Variants in CSNK1G2 observed in about 807,000 individuals in gnomAD.
The protein encoded by CSNK1G2 is casein kinase 1 gamma 2, also known as casein kinase I isoform gamma-2.
In CSNK1G2, 11 loss-of-function variants were observed where a neutral mutation model predicts 48.0. The ratio of observed to expected loss-of-function variants is 0.23; its 90% confidence interval spans 0.14 to 0.38. The LOEUF (loss-of-function observed/expected upper bound fraction) is 0.38, where lower values mean the gene tolerates loss of function less well. CSNK1G2 is among the 10% of genes least tolerant of loss of function. CSNK1G2 has a pLI of 1.00. For synonymous variants in CSNK1G2, 337 were observed against 254.1 expected, an observed-to-expected ratio of 1.33 and a Z score of -3.10; for missense variants, 446 against 595.5, an observed-to-expected ratio of 0.75 and a Z score of 2.61.
At position 1,978,177 on chromosome 19, in the gene CSNK1G2, G is replaced by A; in HGVS notation, c.188-128G>A. 1.1e-6 allele frequency: 1 copy of A among 929,638 alleles called. No individual in the cohort carries two copies. The highest frequency in any genetic ancestry group is 2.4e-5 in the East Asian group (1 of 41,510). 57.6% of individuals were successfully genotyped at this position (929,638 alleles called of 1,614,324 possible). A position where few individuals can be genotyped will look rare whatever the true frequency, so the allele number is the denominator to read the frequency against. ...AGGCTGGGCCCAGGCCCTGCTGCTG[G>A]GCAGTGGTGTCATTTGGAGGGTGGT... On this transcript the variant is annotated intron_variant, in intron 2 of 11. Coordinates refer to ENST00000255641, the MANE Select transcript of CSNK1G2 (RefSeq NM_001319.7). The surrounding 1 kb of genome is among the most constrained non-coding windows in gnomAD (Gnocchi z 7.3).
In CSNK1G2 at chr19:1,980,205, C is replaced by A; in HGVS notation, c.*2C>A. ...AAATCGCTGCAGCGACACAAGTGAC[C>A]CTGGGCGCGTGCAGCCCCCTGAATC... On this transcript the variant is annotated 3_prime_UTR_variant, in exon 12 of 12. Coordinates refer to ENST00000255641, the MANE Select transcript of CSNK1G2 (RefSeq NM_001319.7). 6.2e-7 allele frequency: 1 copy of A among 1,612,846 alleles called. No individual in the cohort carries two copies. The highest frequency in any genetic ancestry group is 2.2e-5 in the East Asian group (1 of 44,856).
chr19:1,980,183 T>C lies in CSNK1G2; in HGVS notation c.1228T>C (p.Ser410Pro). 6.2e-7 allele frequency: 1 copy of C among 1,612,810 alleles called. No individual in the cohort carries two copies. The highest frequency in any genetic ancestry group is 8.5e-7 in the Non-Finnish European group (1 of 1,179,850). ...CCFFKRRKRK[S>P]LQRHK The stretch of plus-strand genomic sequence containing the variant: ...TTTCTTCAAGAGGAGAAAGAGAAAA[T>C]CGCTGCAGCGACACAAGTGACCCTG... Residue 410 changes from serine to proline, a missense_variant, in exon 12 of 12, where the codon TCG (serine) becomes CCG (proline). This residue lies in a region of CSNK1G2 where 188 missense variants were observed against 179.6 expected (regional missense o/e 1.05). Coordinates refer to ENST00000255641, the MANE Select transcript of CSNK1G2 (RefSeq NM_001319.7).
In CSNK1G2 at chr19:1,945,318, C is replaced by CT. The variant is rs1314081486; in HGVS notation, c.-266+3901dup. On this transcript the variant is annotated intron_variant, in intron 1 of 11. Coordinates refer to ENST00000255641, the MANE Select transcript of CSNK1G2 (RefSeq NM_001319.7). Reference sequence around the variant, plus strand: ...CAGGCGGCCCTGGCCCCCGGTGCGGCTGACTGTTCGGGGCACGCGTCTGAG... The same window carrying CT: ...CAGGCGGCCCTGGCCCCCGGTGCGGCTTGACTGTTCGGGGCACGCGTCTGAG... Among the ~76,000 whole-genome samples the CT allele has an allele frequency of 2.0e-5, 3 of 152,318 alleles. No individual in the cohort carries two copies. In the East Asian group the frequency reaches 5.8e-4, roughly 29 times the overall value.
chr19:1,981,031 C>T lies in CSNK1G2; in HGVS notation c.*828C>T, dbSNP rs4806825. ...GTGGGGCGCGTGGGCACGGAGCTTCCTGCCTCTCTGCTCCGACACCCGGCA... is the reference window on the plus strand; with the variant it reads ...GTGGGGCGCGTGGGCACGGAGCTTCTTGCCTCTCTGCTCCGACACCCGGCA... On this transcript the variant is annotated 3_prime_UTR_variant, in exon 12 of 12. Transcript: ENST00000255641. 3,202 of 152,220 alleles carry T rather than the reference C, an allele frequency of 0.021. 57 individuals are homozygous for T. Among genetic ancestry groups the T allele is most frequent in the Admixed American group, 0.059 (901 of 15,302 alleles). The allele number at this position is 152,220 out of a possible 1,614,324, so 9.4% of individuals were successfully genotyped here.
Position 1,981,264 on chromosome 19 carries a change from C to T in CSNK1G2, c.*1061C>T, listed in dbSNP as rs2145606363. 6.6e-6 allele frequency: 1 copy of T among 152,282 alleles called. No individual in the cohort carries two copies. 9.4% of individuals were successfully genotyped at this position (152,282 alleles called of 1,614,324 possible). Reference sequence around the variant, plus strand: ...ACCAAGTGTACAGAAATGGCATTTACGTTTCTCTGATGCTCCCTTGAAGCC... The same window carrying T: ...ACCAAGTGTACAGAAATGGCATTTATGTTTCTCTGATGCTCCCTTGAAGCC... On this transcript the variant is annotated 3_prime_UTR_variant, in exon 12 of 12. Coordinates refer to ENST00000255641, the MANE Select transcript of CSNK1G2 (RefSeq NM_001319.7).
chr19:1,950,713 C>T (rs771247145), intron 1 of CSNK1G2, among the ~76,000 whole-genome samples: 26 of 145,316 alleles, frequency 1.8e-4, no homozygotes, highest in Non-Finnish European at 3.6e-4. Context: ...AAGGCACCTT[C>T]TCGTGCCCCA....
At chr19:1,953,693 G>A (rs973678830) in intron 1 of CSNK1G2, 4 of 383,246 alleles carry the variant, frequency 1.0e-5, no homozygotes, top group Admixed American at 3.1e-5. Flanking sequence ...CCTGTGGGAC[G>A]GGGTCCCTGC....
chr19:1,947,356 T>C (rs1432067487), intron 1 of CSNK1G2, among the ~76,000 whole-genome samples: 11 of 152,142 alleles, frequency 7.2e-5, no homozygotes, highest in African/African-American at 2.7e-4. Flanking sequence ...GTGATGCTCA[T>C]GTAATCTGCG....
At chr19:1,970,475 T>A (rs2015529664) in intron 2 of CSNK1G2, among the ~76,000 whole-genome samples, 1 of 152,192 alleles carries the variant, frequency 6.6e-6, no homozygotes, top group African/African-American at 2.4e-5. Context: ...TCCCTTCTGC[T>A]CACACCAACC....
rs938672101 is a variant in CSNK1G2 at position 1,958,395 on chromosome 19, G to A, written c.-265-11113G>A. 8.6e-5 allele frequency among the ~76,000 whole-genome samples: 13 copies of A among 152,020 alleles called. No individual in the cohort carries two copies. In the South Asian group the frequency reaches 1.0e-3, roughly 12 times the overall value. On this transcript the variant is annotated intron_variant, in intron 1 of 11. Coordinates refer to ENST00000255641, the MANE Select transcript of CSNK1G2 (RefSeq NM_001319.7). ...GTGCACCAGGGCAGGAGAGCTGCCC[G>A]GCTCCTGCTAGGTGTCTAGAGGGCC... is the stretch of plus-strand genomic sequence containing the variant.
At position 1,957,209 on chromosome 19, in the gene CSNK1G2, C is replaced by T. The variant is rs1462563393; in HGVS notation, c.-265-12299C>T. Among the ~76,000 whole-genome samples, 6 of 152,146 alleles carry T rather than the reference C, an allele frequency of 3.9e-5. No homozygotes were observed. The highest frequency in any genetic ancestry group is 1.4e-4 in the African/African-American group (6 of 41,422). On this transcript the variant is annotated intron_variant, in intron 1 of 11. Coordinates refer to ENST00000255641, the MANE Select transcript of CSNK1G2 (RefSeq NM_001319.7). The surrounding 1 kb of genome is among the most constrained non-coding windows in gnomAD (Gnocchi z 5.4). ...CTCCCTCCAGGCAGCCCCACAGGCCCGAGGGCCACCGTGTCAGGAGGGATA... is the reference window on the plus strand; with the variant it reads ...CTCCCTCCAGGCAGCCCCACAGGCCTGAGGGCCACCGTGTCAGGAGGGATA...
intron 1 of CSNK1G2, among the ~76,000 whole-genome samples, chr19:1,946,531 T>C (rs2014570332): frequency 6.6e-6 from 1 of 151,120 alleles, no homozygotes; most frequent in Non-Finnish European, 1.5e-5. Context: ...GACCTCGTGA[T>C]CTGCCCGCCT....
intron 2 of CSNK1G2, among the ~76,000 whole-genome samples, chr19:1,976,990 C>T (rs1193816745): frequency 6.6e-6 from 1 of 152,194 alleles, no homozygotes; most frequent in Non-Finnish European, 1.5e-5. Context: ...CCGCCTGCGT[C>T]AGCCTCCCAA....
intron 2 of CSNK1G2, chr19:1,976,051 T>C: frequency 7.8e-7 from 1 of 1,289,156 alleles, no homozygotes; most frequent in Non-Finnish European, 1.0e-6. Flanking sequence ...AAAAAAACTT[T>C]GAAATCCCTC....
Position 1,978,576 on chromosome 19 carries a change from GC to G in CSNK1G2, c.299-23del. ...GGCAGGGAGGGGGCTGCCGCCGCAC[GC>G]CCGTGCGTCTGTCCTCCGCCGCAGA... On this transcript the variant is annotated intron_variant, in intron 4 of 11. Coordinates refer to ENST00000255641, the MANE Select transcript of CSNK1G2 (RefSeq NM_001319.7). This position sits in a 1 kb window ranked among gnomAD's most constrained non-coding sequence, Gnocchi z 7.3. 1 of 1,576,874 alleles carries G rather than the reference GC, an allele frequency of 6.3e-7. No homozygotes were observed. Among genetic ancestry groups the G allele is most frequent in the South Asian group, 1.1e-5 (1 of 87,178 alleles).
At chr19:1,958,662 CTCGT>C (rs2015085357) in intron 1 of CSNK1G2, among the ~76,000 whole-genome samples, 1 of 71,736 alleles carries the variant, frequency 1.4e-5, no homozygotes, top group Non-Finnish European at 2.7e-5. Context: ...CCCCCGTCCC[CTCGT>C]CCCCCCATCC....
intron 2 of CSNK1G2, among the ~76,000 whole-genome samples, chr19:1,970,730 C>T (rs2015538881): frequency 6.6e-6 from 1 of 152,192 alleles, no homozygotes; most frequent in Admixed American, 6.5e-5. Context: ...TGCGGGAGGG[C>T]ATTTGGCGTC....
chr19:1,950,949 G>C (rs1438998822), intron 1 of CSNK1G2, among the ~76,000 whole-genome samples: 2 of 146,180 alleles, frequency 1.4e-5, no homozygotes, highest in Non-Finnish European at 3.0e-5. Context: ...CTAGATCCCT[G>C]GGTGATCCCC....
At chr19:1,953,483 C>A (rs368509521) in intron 1 of CSNK1G2, 131 of 534,208 alleles carry the variant, frequency 2.5e-4, no homozygotes, top group Non-Finnish European at 4.0e-4. Flanking sequence ...GAGTCCATGG[C>A]AGCCTTGCCT....
Sources: allele counts gnomAD v4.1 joint callset (sites outside exome capture counted in the v4.1 genomes callset), GRCh38; gene constraint gnomAD v4.1.1; regional missense constraint gnomAD v4.1.1; non-coding constraint Gnocchi (gnomAD v3.1); transcripts MANE v1.5; gene names NCBI Gene and HGNC (gene_info 2026-07-23, HGNC 2026-07-21).